Variants in ZNF483 observed in about 807,000 individuals in gnomAD.
ZNF483 encodes the protein zinc finger protein 483.
In ZNF483, 9 loss-of-function variants were observed where a neutral mutation model predicts 28.6. The ratio of observed to expected loss-of-function variants is 0.32; its 90% CI spans 0.19 to 0.55. The LOEUF (loss-of-function observed/expected upper bound fraction) is 0.55, where lower values mean the gene tolerates loss of function less well. ZNF483 is among the 20% of genes least tolerant of loss of function. The probability of loss-of-function intolerance (pLI) is 0.93; values close to 1 mark genes in which losing one functional copy is unlikely to be tolerated. For missense variants in ZNF483, 675 were observed against 871.7 expected (o/e 0.77, Z 2.84); for synonymous variants, 322 against 306.2 (o/e 1.05, Z -0.54).
In ZNF483 at chr9:111,548,473, T is replaced by C. The variant is rs1827854355; in HGVS notation, c.*5303T>C. Among the ~76,000 whole-genome samples, 2 of 152,206 alleles carry C rather than the reference T, an allele frequency of 1.3e-5. No homozygotes were observed. The highest frequency in any genetic ancestry group is 4.8e-5 in the African/African-American group (2 of 41,456). ...AGTGTTGATTTTGTATCTTGCAACT[T>C]TGCTGAATTTGTTTATTAGTCATAA... On this transcript the variant is annotated 3_prime_UTR_variant, in exon 6 of 6. Coordinates refer to ENST00000309235, the MANE Select transcript of ZNF483 (RefSeq NM_133464.5).
intron 5 of ZNF483, chr9:111,539,719 C>A: frequency 1.1e-5 from 2 of 174,298 alleles, no homozygotes; most frequent in South Asian, 1.1e-4. Context: ...GCCAAGATCG[C>A]ACATTGCATC....
At chr9:111,573,039 G>A (rs1013780255) in intron 5 of ZNF483, among the ~76,000 whole-genome samples, 3 of 152,152 alleles carry the variant, frequency 2.0e-5, no homozygotes, top group African/African-American at 7.2e-5. Context: ...CTCTGTGGCA[G>A]GGCAGAATTC....
downstream of ZNF483, among the ~76,000 whole-genome samples, chr9:111,556,407 T>C (rs1311577097): frequency 6.6e-6 from 1 of 152,220 alleles, no homozygotes; most frequent in Admixed American, 6.5e-5. Context: ...TTCTCACAGC[T>C]CCACTGTGTA....
chr9:111,535,003 A>G (rs1022726060), intron 5 of ZNF483, among the ~76,000 whole-genome samples: 2 of 152,102 alleles, frequency 1.3e-5, no homozygotes, highest in Non-Finnish European at 2.9e-5. Context: ...GATTACAGGT[A>G]TGAGCCACCA....
intron 5 of ZNF483, among the ~76,000 whole-genome samples, chr9:111,538,764 C>T (rs916721529): frequency 5.9e-5 from 9 of 151,700 alleles, no homozygotes; most frequent in African/African-American, 7.3e-5. Flanking sequence ...TACGACACAC[C>T]AGAGAAAAAA....
chr9:111,542,849 C>T lies in ZNF483; in HGVS notation c.1914C>T (p.Asn638=). 6.2e-7 allele frequency: 1 copy of T among 1,614,106 alleles called. No homozygotes were observed. The highest frequency in any genetic ancestry group is 1.3e-5 in the African/African-American group (1 of 75,042). Reference sequence around the variant, plus strand: ...CAGGAGAAAAACCCTACAAATGTAACCAGTGTGAGAAAGCCTTCCCAACCC... The same window carrying T: ...CAGGAGAAAAACCCTACAAATGTAATCAGTGTGAGAAAGCCTTCCCAACCC... ...LHSGEKPYKC[N]QCEKAFPTHS... is the part of the protein sequence containing the mutation. Residue 638 remains asparagine, a synonymous_variant, in exon 6 of 6, where the codon AAC becomes AAT. Transcript: ENST00000309235. This position sits in a 1 kb window ranked among gnomAD's most constrained non-coding sequence, Gnocchi z 6.2.
chr9:111,550,935 A>G lies in ZNF483; in HGVS notation c.*7765A>G, dbSNP rs567280277. Among the ~76,000 whole-genome samples, 28 of 152,176 alleles carry G rather than the reference A, an allele frequency of 1.8e-4. No individual in the cohort carries two copies. The highest frequency in any genetic ancestry group is 3.7e-4 in the Non-Finnish European group (25 of 68,014). On this transcript the variant is annotated 3_prime_UTR_variant, in exon 6 of 6. Coordinates refer to ENST00000309235, the MANE Select transcript of ZNF483 (RefSeq NM_133464.5). ...TGTTTTCACCTGTTTTCTGTCTCTC[A>G]CACTGGAGGCTTTCCTGAAGCCTCT...
At chr9:111,526,257 G>A (rs761328786) in intron 1 of ZNF483, among the ~76,000 whole-genome samples, 13 of 152,182 alleles carry the variant, frequency 8.5e-5, no homozygotes, top group Non-Finnish European at 1.3e-4. Flanking sequence ...GGCTAGGAGA[G>A]TATGTAGAGA....
At chr9:111,531,108 C>G (rs1316098965) in intron 3 of ZNF483, 145 bp downstream of exon 3, 10 of 238,638 alleles carry the variant, frequency 4.2e-5, no homozygotes, top group African/African-American at 2.0e-4. Flanking sequence ...GCAGGAAGAT[C>G]GCTTGAGCCC....
Position 111,544,372 on chromosome 9 carries a change from G to GTGTGTGTA in ZNF483, c.*1203_*1204insGTGTGTAT, listed in dbSNP as rs60501645. ...CATGTGTGTGTGTGTGTGTGTGTGT[G>GTGTGTGTA]TATACATTGTTGCCACTATCTAAAA... On this transcript the variant is annotated 3_prime_UTR_variant, in exon 6 of 6. Coordinates refer to ENST00000309235, the MANE Select transcript of ZNF483 (RefSeq NM_133464.5). The GTGTGTGTA allele has an allele frequency of 2.1e-6, 2 of 943,920 alleles. No homozygotes were observed. Among genetic ancestry groups the GTGTGTGTA allele is most frequent in the Admixed American group, 1.3e-4 (2 of 15,794 alleles). 58.5% of individuals were successfully genotyped at this position (943,920 alleles called of 1,614,324 possible).
intron 5 of ZNF483, among the ~76,000 whole-genome samples, chr9:111,560,719 G>A (rs1488415351): frequency 1.2e-4 from 18 of 148,084 alleles, no homozygotes; most frequent in Middle Eastern, 3.5e-3. Context: ...CGAGGTGGCC[G>A]GATCACAAGG....
At chr9:111,540,647 T>C in intron 5 of ZNF483, among the ~76,000 whole-genome samples, 1 of 152,224 alleles carries the variant, frequency 6.6e-6, no homozygotes, top group Non-Finnish European at 1.5e-5. Context: ...CTGATTAGTG[T>C]ATCTGTAAGG....
chr9:111,540,373 C>T (rs375101164), intron 5 of ZNF483, among the ~76,000 whole-genome samples: 41 of 152,116 alleles, frequency 2.7e-4, no homozygotes, highest in East Asian at 1.7e-3. Context: ...AAAATAGTTT[C>T]GTAAAAGTGA....
rs1401035827 is a variant in ZNF483 at position 111,546,714 on chromosome 9, T to A, written c.*3544T>A. On this transcript the variant is annotated 3_prime_UTR_variant, in exon 6 of 6. Coordinates refer to ENST00000309235, the MANE Select transcript of ZNF483 (RefSeq NM_133464.5). Reference sequence around the variant, plus strand: ...GCTTAAAATGAACCATTTAAACACTTTTTGGTTATACAGCTCAATAGCATT... The same window carrying A: ...GCTTAAAATGAACCATTTAAACACTATTTGGTTATACAGCTCAATAGCATT... Among the ~76,000 whole-genome samples the A allele has an allele frequency of 6.6e-6, 1 of 152,212 alleles. No individual in the cohort carries two copies. Among genetic ancestry groups the A allele is most frequent in the Non-Finnish European group, 1.5e-5 (1 of 68,016 alleles).
At chr9:111,570,045 T>C in intron 5 of ZNF483, 2 of 1,610,392 alleles carry the variant, frequency 1.2e-6, no homozygotes, top group Middle Eastern at 1.7e-4. Context: ...GCAAAGGGAG[T>C]GTGACCTAGT....
rs1368301748 is a variant in ZNF483 at position 111,550,732 on chromosome 9, T to C, written c.*7562T>C. Among the ~76,000 whole-genome samples the C allele has an allele frequency of 3.3e-5, 5 of 152,262 alleles. No individual in the cohort carries two copies. The highest frequency in any genetic ancestry group is 6.5e-5 in the Admixed American group (1 of 15,290). On this transcript the variant is annotated 3_prime_UTR_variant, in exon 6 of 6. Transcript: ENST00000309235. ...TATCTTCCAGCTCTACTATTAAATG[T>C]TGTGAATGTTTTTATCTCTGCTGTC...
chr9:111,551,564 C>T lies in ZNF483; in HGVS notation c.*8394C>T, dbSNP rs952809029. Among the ~76,000 whole-genome samples, 5 of 151,884 alleles carry T rather than the reference C, an allele frequency of 3.3e-5. No individual in the cohort carries two copies. The highest frequency in any genetic ancestry group is 6.6e-5 in the Admixed American group (1 of 15,240). On this transcript the variant is annotated 3_prime_UTR_variant, in exon 6 of 6. Transcript: ENST00000309235. ...CTGAGATTACTGGTGCACACTGCCA[C>T]GCCTGGCTAATTATTTTAGTAGAGG...
chr9:111,578,049 T>C (rs542676038), downstream of ZNF483, among the ~76,000 whole-genome samples: 6 of 152,064 alleles, frequency 3.9e-5, no homozygotes, highest in South Asian at 1.0e-3. Context: ...ATTTTGCCAA[T>C]ATAGTAAAAA....
chr9:111,576,502 C>CG (rs1829061779), exon 6 of ZNF483: 1 of 1,561,860 alleles, frequency 6.4e-7, no homozygotes. Context: ...GGCTCTGGTT[C>CG]GGGGAAGAGC....
Sources: allele counts gnomAD v4.1 joint callset (sites outside exome capture counted in the v4.1 genomes callset), GRCh38; gene constraint gnomAD v4.1.1; non-coding constraint Gnocchi (gnomAD v3.1); transcripts MANE v1.5; gene names NCBI Gene and HGNC (gene_info 2026-07-23, HGNC 2026-07-21).